The following IGF1R variants were observed in gnomAD, a reference collection of about 807,000 sequenced individuals.
IGF1R encodes insulin like growth factor 1 receptor, also known as insulin-like growth factor 1 receptor.
A neutral mutation model predicts 144.6 loss-of-function variants in IGF1R; 44 were observed. The ratio of observed to expected loss-of-function variants is 0.30; its 90% CI spans 0.24 to 0.39. The LOEUF is 0.39. Ranked by LOEUF, IGF1R falls within the 10% of genes least tolerant of loss-of-function variation. The pLI is 1.00. For synonymous variants in IGF1R, 795 were observed against 722.8 expected (o/e 1.10, Z -1.60); for missense variants, 1,355 against 1,833.7 (o/e 0.74, Z 4.77).
In IGF1R at chr15:98,950,889, G is replaced by C. The variant is rs1596484912; in HGVS notation, c.3722+2181G>C. On this transcript the variant is annotated intron_variant, in intron 20 of 20. Transcript: ENST00000650285. The stretch of plus-strand genomic sequence containing the variant: ...CATTGTCCCTAATCAAACAATCAAG[G>C]TGCTATTTTTGTTTCAAAGCACTTT... 2.0e-5 allele frequency among the ~76,000 whole-genome samples: 3 copies of C among 152,264 alleles called. 1 individual carries two copies. The highest frequency in any genetic ancestry group is 6.8e-3 in the Middle Eastern group (2 of 294).
At chr15:98,923,711 C>A (rs2015588037) in intron 11 of IGF1R, 165 bp from the exon 12 acceptor site, 2 of 650,190 alleles carry the variant, frequency 3.1e-6, no homozygotes, top group Non-Finnish European at 5.6e-6. Flanking sequence ...CGTGGCTGAT[C>A]TCCACTGTCC....
In IGF1R at chr15:98,887,213, A is replaced by G. The variant is rs1409391378; in HGVS notation, c.641-4112A>G. ...AGCCTGTGTATCGGTTGTGGCACGGACTGACTGACTGGATGGTATAATTTC... is the reference window on the plus strand; with the variant it reads ...AGCCTGTGTATCGGTTGTGGCACGGGCTGACTGACTGGATGGTATAATTTC... On this transcript the variant is annotated intron_variant, in intron 2 of 20. Transcript: ENST00000650285. Among the ~76,000 whole-genome samples, 5 of 151,878 alleles carry G rather than the reference A, an allele frequency of 3.3e-5. No homozygotes were observed. The East Asian group carries it at 7.7e-4, about 23-fold the overall frequency.
chr15:98,849,816 A>G (rs1460699875), intron 2 of IGF1R, among the ~76,000 whole-genome samples: 3 of 152,232 alleles, frequency 2.0e-5, no homozygotes, highest in Admixed American at 6.5e-5. Context: ...AAAAAGTTTG[A>G]TTTCACTCAT....
rs758327569 is a variant in IGF1R at position 98,707,566 on chromosome 15, C to G, written c.99C>G (p.Cys33Trp). The G allele has an allele frequency of 6.2e-7, 1 of 1,614,080 alleles. No homozygotes were observed. ...TACCCTCTTGTCTCCCTTCAGTCTG[C>G]GGGCCAGGCATCGACATCCGCAACG... is the stretch of plus-strand genomic sequence containing the variant. ...LSLWPTSGEI[C>W]GPGIDIRNDY... Residue 33 changes from cysteine to tryptophan, a missense_variant, in exon 2 of 21, where the codon TGC becomes TGG. Around this residue, in one of 7 missense-constraint regions of IGF1R, gnomAD observed 75 missense variants for 160.0 expected, o/e 0.47. Transcript: ENST00000650285. The surrounding 1 kb of genome is among the most constrained non-coding windows in gnomAD (Gnocchi z 6.7).
At chr15:98,901,258 G>A (rs1219499491) in intron 5 of IGF1R, among the ~76,000 whole-genome samples, 1 of 152,210 alleles carries the variant, frequency 6.6e-6, no homozygotes, top group South Asian at 2.1e-4. Flanking sequence ...AGTGGGCCTT[G>A]GGTTTTCCCT....
Position 98,935,710 on chromosome 15 carries a change from C to T in IGF1R, c.3297+284C>T, listed in dbSNP as rs541614948. Among the ~76,000 whole-genome samples, 1 of 151,524 alleles carries T rather than the reference C, an allele frequency of 6.6e-6. No individual in the cohort carries two copies. The highest frequency in any genetic ancestry group is 6.6e-5 in the Admixed American group (1 of 15,244). On this transcript the variant is annotated intron_variant, in intron 17 of 20. Transcript: ENST00000650285. This position sits in a 1 kb window ranked among gnomAD's most constrained non-coding sequence, Gnocchi z 4.2. ...TCCACCCCCAGTCCCCTCCCCACAT[C>T]AGTGTCCACCTGCCAAGCCAGGCCA...
intron 1 of IGF1R, among the ~76,000 whole-genome samples, chr15:98,658,228 G>A (rs2052528974): frequency 6.6e-6 from 1 of 152,158 alleles, no homozygotes; most frequent in African/African-American, 2.4e-5. Context: ...AGCTGAGAAT[G>A]TTTTTCCTCT....
chr15:98,658,769 G>A (rs1009415221), intron 1 of IGF1R, among the ~76,000 whole-genome samples: 12 of 152,040 alleles, frequency 7.9e-5, no homozygotes, highest in Admixed American at 2.0e-4. Flanking sequence ...CATAACCCAC[G>A]GTTTTGCTGG....
At chr15:98,899,706 C>T in intron 5 of IGF1R, 85 bp downstream of exon 5, 2 of 1,359,272 alleles carry the variant, frequency 1.5e-6, no homozygotes. Context: ...GGTAAGAGCC[C>T]TCCCTGCCTT....
At chr15:98,761,553 TG>T (rs774010634) in intron 2 of IGF1R, among the ~76,000 whole-genome samples, 2 of 152,218 alleles carry the variant, frequency 1.3e-5, no homozygotes, top group African/African-American at 2.4e-5. Flanking sequence ...GCCAGAGCCC[TG>T]TGTGCAGGTA....
intron 2 of IGF1R, among the ~76,000 whole-genome samples, chr15:98,760,757 T>A (rs775120623): frequency 4.3e-4 from 65 of 152,184 alleles, no homozygotes; most frequent in Non-Finnish European, 8.5e-4. Flanking sequence ...GGATGGAGAT[T>A]GTGTTTTGGG....
intron 2 of IGF1R, among the ~76,000 whole-genome samples, chr15:98,859,052 A>C (rs758155707): frequency 2.6e-5 from 4 of 152,182 alleles, no homozygotes; most frequent in Middle Eastern, 6.8e-3. Context: ...TTCTCATCTA[A>C]GCAAGAAGTA....
intron 2 of IGF1R, among the ~76,000 whole-genome samples, chr15:98,754,909 C>G (rs1251244686): frequency 6.6e-6 from 1 of 152,200 alleles, no homozygotes; most frequent in Non-Finnish European, 1.5e-5. Context: ...GCTCACCCTT[C>G]CTACCTTCCC....
At chr15:98,726,079 A>G (rs2054353201) in intron 2 of IGF1R, among the ~76,000 whole-genome samples, 1 of 152,208 alleles carries the variant, frequency 6.6e-6, no homozygotes, top group African/African-American at 2.4e-5. Context: ...ACTGGCATTC[A>G]CTGAACAATG....
intron 2 of IGF1R, among the ~76,000 whole-genome samples, chr15:98,872,475 C>G (rs1035379088): frequency 6.6e-6 from 1 of 152,178 alleles, no homozygotes; most frequent in Non-Finnish European, 1.5e-5. Context: ...TTCAGCTGAG[C>G]AGGCAGAATT....
chr15:98,921,911 A>G (rs1266979443), intron 10 of IGF1R, among the ~76,000 whole-genome samples: 1 of 151,510 alleles, frequency 6.6e-6, no homozygotes, highest in Admixed American at 6.6e-5. Flanking sequence ...TCGAAGAACC[A>G]CTCTGAGAGC....
At chr15:98,854,941 G>GCC (rs370531431) in intron 2 of IGF1R, among the ~76,000 whole-genome samples, 104 of 150,300 alleles carry the variant, frequency 6.9e-4, no homozygotes, top group East Asian at 1.4e-3. Context: ...CTCCACCCCT[G>GCC]CCCCCCCCAA....
intron 2 of IGF1R, among the ~76,000 whole-genome samples, chr15:98,880,175 GC>G (rs1333100336): frequency 6.6e-6 from 1 of 151,834 alleles, no homozygotes; most frequent in African/African-American, 2.4e-5. Flanking sequence ...GGAAGGGGAA[GC>G]ATCCTATAAC....
intron 4 of IGF1R, 60 bp from the exon 5 acceptor site, chr15:98,899,417 C>G: frequency 1.3e-6 from 2 of 1,544,512 alleles, no homozygotes; most frequent in Non-Finnish European, 1.8e-6. Context: ...TTGTAAGAAT[C>G]CAAGTATGTC....
Sources: allele counts gnomAD v4.1 joint callset (sites outside exome capture counted in the v4.1 genomes callset), GRCh38; gene constraint gnomAD v4.1.1; regional missense constraint gnomAD v4.1.1; non-coding constraint Gnocchi (gnomAD v3.1); transcripts MANE v1.5; gene names NCBI Gene and HGNC (gene_info 2026-07-23, HGNC 2026-07-21).